The following NFAM1 variants were observed in gnomAD, a reference collection of about 807,000 sequenced individuals.
NFAM1 encodes NFAT activation molecule 1.
Under a neutral mutation model 29.0 loss-of-function variants are expected in NFAM1, and 17 were observed. The ratio of observed to expected loss-of-function variants is 0.59; its 90% confidence interval spans 0.40 to 0.88. The LOEUF is 0.88. Ranked by LOEUF, NFAM1 falls within the 40% of genes least tolerant of loss-of-function variation. The pLI, the probability that NFAM1 is intolerant of heterozygous loss-of-function variation, is 0.00. For missense variants in NFAM1, 324 were observed against 344.6 expected, an observed-to-expected ratio of 0.94 and a Z score of 0.47; for synonymous variants, 175 against 147.2, an observed-to-expected ratio of 1.19 and a Z score of -1.36.
chr22:42,387,158 G>A lies in NFAM1; in HGVS notation c.664-80C>T, dbSNP rs552708843. 65 of 785,226 alleles carry A rather than the reference G, an allele frequency of 8.3e-5. No individual in the cohort carries two copies. In the South Asian group the frequency reaches 1.0e-3, roughly 13 times the overall value. The allele number at this position is 785,226 out of a possible 1,614,324, so 48.6% of individuals were successfully genotyped here. On this transcript the variant is annotated intron_variant, in intron 4 of 5. Coordinates refer to ENST00000329021, the MANE Select transcript of NFAM1 (RefSeq NM_145912.8). ...GGCCCCAGCAGCCAGCCCCCTGCCTGTTACACACCCCACCGTGGGAGCCCA... is the reference window on the plus strand; with the variant it reads ...GGCCCCAGCAGCCAGCCCCCTGCCTATTACACACCCCACCGTGGGAGCCCA...
At chr22:42,390,329 C>T (rs745992627) in intron 4 of NFAM1, among the ~76,000 whole-genome samples, 33 of 152,106 alleles carry the variant, frequency 2.2e-4, no homozygotes, top group Non-Finnish European at 3.5e-4. Flanking sequence ...TGAGCACTTA[C>T]TGTGTGCTGG....
chr22:42,430,099 C>A (rs80265811), intron 1 of NFAM1, among the ~76,000 whole-genome samples: 5,259 of 151,188 alleles, frequency 0.035, 105 homozygotes, highest in Non-Finnish European at 0.045. Context: ...TCTATCTCTA[C>A]GAAAAAATTT....
chr22:42,412,324 G>A (rs1188492716), intron 1 of NFAM1, among the ~76,000 whole-genome samples: 2 of 152,058 alleles, frequency 1.3e-5, no homozygotes, highest in East Asian at 1.9e-4. Context: ...GCTGTGTGCC[G>A]GAGTTGTGCC....
chr22:42,403,464 T>G (rs992509575), intron 3 of NFAM1, among the ~76,000 whole-genome samples: 2 of 152,172 alleles, frequency 1.3e-5, no homozygotes, highest in Non-Finnish European at 2.9e-5. Context: ...CTCGGCTCAT[T>G]GCAACCTCCG....
chr22:42,395,109 G>C (rs1196564610), intron 4 of NFAM1, among the ~76,000 whole-genome samples: 4 of 152,080 alleles, frequency 2.6e-5, no homozygotes, highest in Non-Finnish European at 5.9e-5. Context: ...GGGAGGTGGA[G>C]GTTGAAGTAA....
Position 42,387,023 on chromosome 22 carries a change from C to G in NFAM1, c.719G>C (p.Ser240Thr), listed in dbSNP as rs1433539836. 2.5e-6 allele frequency: 4 copies of G among 1,583,078 alleles called. No individual in the cohort carries two copies. The highest frequency in any genetic ancestry group is 3.4e-6 in the Non-Finnish European group (4 of 1,165,248). ...VYACIENEDG[S>T]SPTAKQSPLS... Reference sequence around the variant, plus strand: ...GGGGCTCTGCTTGGCGGTGGGTGAGCTGCCATCCTCATTCTCGATGCAGGC... The same window carrying G: ...GGGGCTCTGCTTGGCGGTGGGTGAGGTGCCATCCTCATTCTCGATGCAGGC... The change falls in exon 5 of 6, where the codon AGC becomes ACC. Residue 240 changes from serine (S) to threonine (T), a missense_variant. Coordinates refer to ENST00000329021, the MANE Select transcript of NFAM1 (RefSeq NM_145912.8).
chr22:42,430,128 G>A (rs1423092640), intron 1 of NFAM1, among the ~76,000 whole-genome samples: 2 of 152,136 alleles, frequency 1.3e-5, no homozygotes, highest in East Asian at 3.9e-4. Context: ...GCTGGGTGTG[G>A]TGGCACACGC....
intron 5 of NFAM1, among the ~76,000 whole-genome samples, 187 bp downstream of exon 5, chr22:42,386,802 C>A (rs5751270): frequency 6.6e-6 from 1 of 152,318 alleles, no homozygotes; most frequent in African/African-American, 2.4e-5. Context: ...TGCACAGTGG[C>A]TAAGGGACAG....
chr22:42,436,224 G>C (rs1930936924), upstream of NFAM1, among the ~76,000 whole-genome samples: 1 of 152,194 alleles, frequency 6.6e-6, no homozygotes, highest in African/African-American at 2.4e-5. Flanking sequence ...TTCTGCACAG[G>C]AAGCAGAAGT....
At chr22:42,386,827 C>T (rs184430754) in intron 5 of NFAM1, among the ~76,000 whole-genome samples, 162 bp downstream of exon 5, 8 of 152,316 alleles carry the variant, frequency 5.3e-5, no homozygotes, top group African/African-American at 1.7e-4. Context: ...GGAACTCAAA[C>T]GCACCAGTCC....
intron 1 of NFAM1, among the ~76,000 whole-genome samples, chr22:42,423,630 G>A (rs9623590): frequency 0.01 from 1,582 of 152,026 alleles, 25 homozygotes; most frequent in African/African-American, 0.036. Context: ...GAGGTGGGAG[G>A]ACCACTTGAG....
chr22:42,411,354 C>T, intron 2 of NFAM1, 53 bp downstream of exon 2: 3 of 1,403,486 alleles, frequency 2.1e-6, no homozygotes, highest in Non-Finnish European at 3.0e-6. Context: ...CCCAAACTGC[C>T]ATTTGAAACC....
chr22:42,408,932 G>GA (rs913208824), intron 3 of NFAM1, among the ~76,000 whole-genome samples: 6 of 152,164 alleles, frequency 3.9e-5, no homozygotes, highest in African/African-American at 7.2e-5. Context: ...TGTGAAATGG[G>GA]AAAAAACCTC....
intron 1 of NFAM1, among the ~76,000 whole-genome samples, chr22:42,431,496 C>T (rs1930794917): frequency 6.6e-6 from 1 of 152,178 alleles, no homozygotes; most frequent in South Asian, 2.1e-4. Flanking sequence ...TTCACTGAGC[C>T]CTCGTGCTGG....
At chr22:42,426,389 T>A (rs1451489086) in intron 1 of NFAM1, among the ~76,000 whole-genome samples, 1 of 152,156 alleles carries the variant, frequency 6.6e-6, no homozygotes, top group Non-Finnish European at 1.5e-5. Context: ...AGGGTCAGCA[T>A]TCCACCTCCT....
Position 42,387,021 on chromosome 22 carries a change from A to AGCTGCCATCCTCATTCTC in NFAM1, c.703_720dup (p.Glu235_Ser240dup). ...AGGGGGCTCTGCTTGGCGGTGGGTG[A>AGCTGCCATCCTCATTCTC]GCTGCCATCCTCATTCTCGATGCAG... On this transcript the variant is annotated inframe_insertion, in exon 5 of 6. Coordinates refer to ENST00000329021, the MANE Select transcript of NFAM1 (RefSeq NM_145912.8). 3 of 1,581,862 alleles carry AGCTGCCATCCTCATTCTC rather than the reference A, an allele frequency of 1.9e-6. No individual in the cohort carries two copies. The highest frequency in any genetic ancestry group is 2.6e-6 in the Non-Finnish European group (3 of 1,164,600).
Position 42,405,112 on chromosome 22 carries a change from G to A in NFAM1, c.564+4323C>T, listed in dbSNP as rs1356717659. ...GTCACTGAGGCCATCCTGGAGGGGA[G>A]GGAGCAGGGACCAGAACTCAAGCCC... is the stretch of plus-strand genomic sequence containing the variant. On this transcript the variant is annotated intron_variant, in intron 3 of 5. Transcript: ENST00000329021. Among the ~76,000 whole-genome samples the A allele has an allele frequency of 2.0e-5, 3 of 152,282 alleles. No individual in the cohort carries two copies. The South Asian group carries it at 6.2e-4, about 32-fold the overall frequency.
chr22:42,389,258 T>G (rs1332770324), intron 4 of NFAM1, among the ~76,000 whole-genome samples: 1 of 151,998 alleles, frequency 6.6e-6, no homozygotes, highest in East Asian at 1.9e-4. Context: ...TGCCCTGGGA[T>G]GCTGCAGGCC....
rs1601751430 is a variant in NFAM1 at position 42,411,879 on chromosome 22, C to A, written c.122-143G>T. 1.7e-5 allele frequency: 11 copies of A among 628,786 alleles called. No individual in the cohort carries two copies. In the East Asian group the frequency reaches 2.7e-4, roughly 16 times the overall value. 39.0% of individuals were successfully genotyped at this position (628,786 alleles called of 1,614,324 possible). A position where few individuals can be genotyped will look rare whatever the true frequency, so the allele number is the denominator to read the frequency against. ...TTGGGAGGCCGAGGCAGGCGGATCA[C>A]TGGAGGTCAGGAGTTCAAGACTAGC... On this transcript the variant is annotated intron_variant, in intron 1 of 5. Coordinates refer to ENST00000329021, the MANE Select transcript of NFAM1 (RefSeq NM_145912.8).
Sources: allele counts gnomAD v4.1 joint callset (sites outside exome capture counted in the v4.1 genomes callset), GRCh38; gene constraint gnomAD v4.1.1; transcripts MANE v1.5; gene names NCBI Gene and HGNC (gene_info 2026-07-23, HGNC 2026-07-21).